Variants in DOCK11 observed in about 807,000 individuals in gnomAD.
DOCK11 encodes dedicator of cytokinesis protein 11.
Under a neutral mutation model 169.1 loss-of-function variants are expected in DOCK11, and 70 were observed. The ratio of observed to expected loss-of-function variants is 0.41; its 90% confidence interval spans 0.34 to 0.51. The LOEUF (loss-of-function observed/expected upper bound fraction) is 0.51, where lower values mean the gene tolerates loss of function less well. DOCK11 is among the 20% of genes least tolerant of loss of function. DOCK11 has a pLI of 0.10. For synonymous variants in DOCK11, 529 were observed against 541.3 expected (o/e 0.98, Z 0.32); for missense variants, 1,166 against 1,538.8 (o/e 0.76, Z 4.05).
chrX:118,526,670 AG>A (rs1277999987), intron 1 of DOCK11, among the ~76,000 whole-genome samples: 2 of 112,433 alleles, frequency 1.8e-5, no homozygotes, highest in Admixed American at 9.4e-5. Context: ...GTCAGAGGAA[AG>A]AGGAAAAGGC....
At chrX:118,610,478 G>GA (rs1268421416) in intron 28 of DOCK11, 60 bp downstream of exon 28, 5 of 1,153,716 alleles carry the variant, frequency 4.3e-6, no homozygotes, top group Non-Finnish European at 5.8e-6. Flanking sequence ...GGAAGCCCAA[G>GA]AAAAAAATTA....
intron 10 of DOCK11, among the ~76,000 whole-genome samples, chrX:118,571,570 G>A (rs1263278645): frequency 9.1e-6 from 1 of 110,475 alleles, no homozygotes; most frequent in East Asian, 2.9e-4. Flanking sequence ...GGCTGGTCTC[G>A]AACTCCTGGC....
intron 44 of DOCK11, among the ~76,000 whole-genome samples, chrX:118,656,299 A>G (rs184189529): frequency 2.7e-5 from 3 of 110,889 alleles, no homozygotes; most frequent in Non-Finnish European, 3.8e-5. Context: ...ATAAATGAAT[A>G]AATAAATTTT....
Position 118,542,799 on chromosome X carries a change from C to T in DOCK11, c.177C>T (p.Asp59=). ...IAQRKTQIYS[D]PLRDLLMFPM... The stretch of plus-strand genomic sequence containing the variant: ...AAAGAAAAACCCAGATTTACAGCGA[C>T]CCCCTCCGAGATCTGCTTATGTTCC... The change falls in exon 2 of 53, where the codon GAC becomes GAT. Residue 59 remains aspartate, a synonymous_variant. Coordinates refer to ENST00000276202, the MANE Select transcript of DOCK11 (RefSeq NM_144658.4). The T allele has an allele frequency of 8.3e-7, 1 of 1,209,889 alleles. No individual in the cohort carries two copies. Among genetic ancestry groups the T allele is most frequent in the Non-Finnish European group, 1.1e-6 (1 of 893,925 alleles).
intron 41 of DOCK11, among the ~76,000 whole-genome samples, chrX:118,650,990 A>G (rs1479445774): frequency 8.9e-6 from 1 of 111,973 alleles, no homozygotes; most frequent in Non-Finnish European, 1.9e-5. Flanking sequence ...AATTATTGAT[A>G]AAGTCAAGAT....
rs373628493 is a variant in DOCK11 at position 118,588,117 on chromosome X, T to G, written c.1796-20T>G. ...ATTATTAAACTGAATGATCTTTGCC[T>G]GTTTTTTTCCCTGCTATAGATTGTA... On this transcript the variant is annotated intron_variant, in intron 16 of 52. Coordinates refer to ENST00000276202, the MANE Select transcript of DOCK11 (RefSeq NM_144658.4). 87 of 1,127,017 alleles carry G rather than the reference T, an allele frequency of 7.7e-5. No homozygotes were observed. In the African/African-American group the frequency reaches 1.3e-3, roughly 17 times the overall value. 92.9% of individuals were successfully genotyped at this position (1,127,017 alleles called of 1,213,427 possible). A position where few individuals can be genotyped will look rare whatever the true frequency, so the allele number is the denominator to read the frequency against.
At chrX:118,548,416 G>A (rs1041251837) in intron 6 of DOCK11, among the ~76,000 whole-genome samples, 8 of 112,068 alleles carry the variant, frequency 7.1e-5, no homozygotes, top group African/African-American at 2.6e-4. Context: ...ACATGGCAAA[G>A]AGGAATTAAA....
At chrX:118,596,078 CAA>C (rs1337166030) in intron 20 of DOCK11, among the ~76,000 whole-genome samples, 2 of 112,152 alleles carry the variant, frequency 1.8e-5, no homozygotes, top group African/African-American at 6.5e-5. Flanking sequence ...AATGAGGTCT[CAA>C]TAAAAATTTC....
intron 6 of DOCK11, among the ~76,000 whole-genome samples, chrX:118,553,050 G>A (rs1337786268): frequency 8.9e-6 from 1 of 111,791 alleles, no homozygotes; most frequent in Non-Finnish European, 1.9e-5. Context: ...TCTAGTTAAT[G>A]AGGAGGTACC....
intron 1 of DOCK11, among the ~76,000 whole-genome samples, chrX:118,499,930 C>T (rs1181698701): frequency 8.9e-6 from 1 of 112,058 alleles, no homozygotes; most frequent in Non-Finnish European, 1.9e-5. Context: ...CCTTGCTGAA[C>T]CCTTGTTTAA....
At chrX:118,600,193 G>T (rs2014289241) in intron 23 of DOCK11, among the ~76,000 whole-genome samples, 1 of 110,850 alleles carries the variant, frequency 9.0e-6, no homozygotes, top group African/African-American at 3.3e-5. Flanking sequence ...GATTGCTTGA[G>T]CTCAGGAGTT....
At chrX:118,544,040 T>G (rs2012146182) in intron 4 of DOCK11, among the ~76,000 whole-genome samples, 1 of 112,445 alleles carries the variant, frequency 8.9e-6, no homozygotes, top group African/African-American at 3.2e-5. Context: ...TTAAATGCAG[T>G]GTTTTGGTTA....
chrX:118,627,732 A>C (rs2015144646), intron 33 of DOCK11, among the ~76,000 whole-genome samples, 153 bp downstream of exon 33: 1 of 112,252 alleles, frequency 8.9e-6, no homozygotes. Flanking sequence ...TTGCAGTCAA[A>C]TTTATTTGCC....
At chrX:118,648,524 A>AAT (rs1556332330) in intron 40 of DOCK11, among the ~76,000 whole-genome samples, 1 of 97,336 alleles carries the variant, frequency 1.0e-5, no homozygotes, top group African/African-American at 3.7e-5. Context: ...TATGTAATAT[A>AAT]TATATATTTA....
intron 1 of DOCK11, among the ~76,000 whole-genome samples, chrX:118,521,460 C>T (rs1341455351): frequency 1.8e-5 from 2 of 112,448 alleles, no homozygotes; most frequent in Non-Finnish European, 1.9e-5. Context: ...TAGACTGACA[C>T]TCTCCAAAAA....
At chrX:118,545,301 G>T in intron 4 of DOCK11, 22 bp from the exon 5 acceptor site, 5 of 1,108,719 alleles carry the variant, frequency 4.5e-6, no homozygotes, top group Non-Finnish European at 4.9e-6. Flanking sequence ...TAGTGTCTAA[G>T]ACAGTTCTCT....
intron 18 of DOCK11, 98 bp downstream of exon 18, chrX:118,588,576 A>T (rs1250764085): frequency 2.1e-5 from 13 of 632,813 alleles, no homozygotes; most frequent in Non-Finnish European, 3.0e-5. Context: ...ATCAACATCA[A>T]AAAGAAAATG....
At chrX:118,509,529 G>C (rs2057636346) in intron 1 of DOCK11, among the ~76,000 whole-genome samples, 1 of 111,680 alleles carries the variant, frequency 9.0e-6, no homozygotes, top group African/African-American at 3.3e-5. Flanking sequence ...CTCCCAAAGT[G>C]CTCGGATTAT....
At chrX:118,602,461 G>T (rs2014372021) in intron 23 of DOCK11, among the ~76,000 whole-genome samples, 1 of 111,067 alleles carries the variant, frequency 9.0e-6, no homozygotes, top group Non-Finnish European at 1.9e-5. Flanking sequence ...AGCAATATAT[G>T]ATTAAATGTC....
Sources: gnomAD v4.1 joint callset for allele counts (sites outside exome capture counted in the v4.1 genomes callset) on GRCh38, gnomAD v4.1.1 for gene constraint, MANE v1.5 for transcripts, NCBI Gene and HGNC (gene_info 2026-07-23, HGNC 2026-07-21) for gene names.